The following MMP16 variants were observed in gnomAD, a reference collection of about 807,000 sequenced individuals.
MMP16 encodes the protein matrix metalloproteinase-16.
In MMP16, 12 loss-of-function variants were observed where a neutral mutation model predicts 67.8. The observed-to-expected ratio is 0.18, with a 90% CI of 0.11 to 0.29. MMP16 has a LOEUF of 0.29. MMP16 is among the 10% of genes least tolerant of loss of function. The pLI is 1.00. For synonymous variants in MMP16, 249 were observed against 255.9 expected (o/e 0.97, Z 0.26); for missense variants, 475 against 765.7 (o/e 0.62, Z 4.48).
At chr8:88,290,382 C>A (rs1810907963) in intron 1 of MMP16, among the ~76,000 whole-genome samples, 1 of 152,056 alleles carries the variant, frequency 6.6e-6, no homozygotes, top group South Asian at 2.1e-4. Context: ...GAAACCCCGT[C>A]TCTACTAAAA....
intron 6 of MMP16, among the ~76,000 whole-genome samples, chr8:88,106,230 G>C (rs1294530721): frequency 6.6e-6 from 1 of 151,000 alleles, no homozygotes; most frequent in African/African-American, 2.4e-5. Flanking sequence ...GTGTGTATCT[G>C]GGTATACATA....
intron 6 of MMP16, among the ~76,000 whole-genome samples, chr8:88,090,646 T>C (rs1195264096): frequency 6.7e-6 from 1 of 149,172 alleles, no homozygotes. Flanking sequence ...TTTTAAAATT[T>C]TAATTAAAAA....
intron 4 of MMP16, among the ~76,000 whole-genome samples, chr8:88,146,283 A>C (rs912115572): frequency 1.3e-5 from 2 of 152,014 alleles, no homozygotes; most frequent in African/African-American, 4.8e-5. Flanking sequence ...TATGTAAATT[A>C]TAAAACATAA....
intron 1 of MMP16, among the ~76,000 whole-genome samples, chr8:88,288,710 T>A (rs17667732): frequency 0.1 from 15,441 of 152,232 alleles, 940 homozygotes; most frequent in South Asian, 0.17. Flanking sequence ...GGAGTAATAG[T>A]TTCCACATCC....
At chr8:88,275,113 T>C (rs967928443) in intron 1 of MMP16, among the ~76,000 whole-genome samples, 9 of 151,968 alleles carry the variant, frequency 5.9e-5, no homozygotes, top group Non-Finnish European at 1.3e-4. Context: ...TTGAGAGGGA[T>C]AGAAGTATGA....
chr8:88,286,796 C>T (rs978722657), intron 1 of MMP16, among the ~76,000 whole-genome samples: 1 of 152,080 alleles, frequency 6.6e-6, no homozygotes, highest in African/African-American at 2.4e-5. Flanking sequence ...TGGTCTTGAT[C>T]TCCTGACCTC....
At chr8:88,298,775 CATA>C (rs1423191300) in intron 1 of MMP16, among the ~76,000 whole-genome samples, 1 of 152,130 alleles carries the variant, frequency 6.6e-6, no homozygotes, top group Non-Finnish European at 1.5e-5. Flanking sequence ...TGATTAGCTA[CATA>C]ATGTGAATTA....
chr8:88,289,394 T>C (rs745685274), intron 1 of MMP16, among the ~76,000 whole-genome samples: 4 of 151,990 alleles, frequency 2.6e-5, no homozygotes, highest in Non-Finnish European at 4.4e-5. Flanking sequence ...TATCAAATGA[T>C]TATAATAGCA....
intron 1 of MMP16, among the ~76,000 whole-genome samples, chr8:88,284,805 TC>T (rs1185353906): frequency 6.6e-6 from 1 of 151,592 alleles, no homozygotes; most frequent in Non-Finnish European, 1.5e-5. Context: ...CAAACTCTCT[TC>T]CCCCAAGGGT....
chr8:88,264,182 G>C (rs1332338055), intron 1 of MMP16, among the ~76,000 whole-genome samples: 5 of 151,674 alleles, frequency 3.3e-5, no homozygotes, highest in African/African-American at 1.2e-4. Context: ...GTGCGTGCAC[G>C]TGCACACATA....
At chr8:88,319,536 CA>C (rs1458227393) in intron 1 of MMP16, among the ~76,000 whole-genome samples, 1 of 151,842 alleles carries the variant, frequency 6.6e-6, no homozygotes, top group African/African-American at 2.4e-5. Context: ...AAAATAAAAA[CA>C]AATTTCTAAT....
At chr8:88,068,427 T>C (rs1357398900) in intron 7 of MMP16, among the ~76,000 whole-genome samples, 2 of 152,124 alleles carry the variant, frequency 1.3e-5, no homozygotes, top group Non-Finnish European at 2.9e-5. Context: ...ATTTTTCTTT[T>C]ATAGATTATG....
In MMP16 at chr8:88,127,037, C is replaced by T. The variant is rs181308721; in HGVS notation, c.710-8176G>A. Among the ~76,000 whole-genome samples, 6 of 151,948 alleles carry T rather than the reference C, an allele frequency of 3.9e-5. No individual in the cohort carries two copies. The East Asian group carries it at 9.7e-4, about 25-fold the overall frequency. The stretch of plus-strand genomic sequence containing the variant: ...ATGAAAAGAAATTGAAACTCCAGTA[C>T]ACTGGATCGCAGTAAGTAAAAAGGC... On this transcript the variant is annotated intron_variant, in intron 4 of 9. Transcript: ENST00000286614.
intron 6 of MMP16, among the ~76,000 whole-genome samples, chr8:88,081,786 G>A (rs985099849): frequency 1.3e-5 from 2 of 151,952 alleles, no homozygotes; most frequent in African/African-American, 4.8e-5. Flanking sequence ...ATTTTAAAAT[G>A]TATTACTAGA....
intron 1 of MMP16, among the ~76,000 whole-genome samples, chr8:88,313,590 G>A (rs1811331814): frequency 6.6e-6 from 1 of 151,994 alleles, no homozygotes; most frequent in Non-Finnish European, 1.5e-5. Context: ...TTGGATCTGT[G>A]AGTTTATGTA....
intron 2 of MMP16, among the ~76,000 whole-genome samples, chr8:88,196,218 T>C (rs1280314792): frequency 6.6e-6 from 1 of 152,192 alleles, no homozygotes; most frequent in Non-Finnish European, 1.5e-5. Context: ...TGAAGGTTGA[T>C]GTACCATGAT....
At chr8:88,053,551 CT>C (rs879897903) in intron 8 of MMP16, among the ~76,000 whole-genome samples, 14 of 152,062 alleles carry the variant, frequency 9.2e-5, no homozygotes, top group African/African-American at 3.4e-4. Context: ...GCTGACATAA[CT>C]TTTTTTCTTT....
In MMP16 at chr8:88,124,328, T is replaced by A. The variant is rs182945980; in HGVS notation, c.710-5467A>T. Among the ~76,000 whole-genome samples the A allele has an allele frequency of 8.5e-4, 129 of 152,096 alleles. 1 individual carries two copies. In the East Asian group the frequency reaches 0.016, roughly 19 times the overall value. ...GAGTACTAGGTACTTAATGTGTTAG[T>A]TCATCTACTCTCTGCCATATTAATT... On this transcript the variant is annotated intron_variant, in intron 4 of 9. Transcript: ENST00000286614.
chr8:88,130,483 T>A (rs183994696), intron 4 of MMP16, among the ~76,000 whole-genome samples: 1 of 151,972 alleles, frequency 6.6e-6, no homozygotes, highest in Non-Finnish European at 1.5e-5. Context: ...ACGTTTCTTT[T>A]TTTAATGATA....
Sources: gnomAD v4.1 joint callset for allele counts (sites outside exome capture counted in the v4.1 genomes callset) on GRCh38, gnomAD v4.1.1 for gene constraint, MANE v1.5 for transcripts, NCBI Gene and HGNC (gene_info 2026-07-23, HGNC 2026-07-21) for gene names.